TMEM131: variants seen among roughly 807,000 people sequenced by gnomAD.
The protein encoded by TMEM131 is transmembrane protein 131.
Under a neutral mutation model 211.6 loss-of-function variants are expected in TMEM131, and 66 were observed. That is an observed-to-expected ratio of 0.31 (90% CI 0.26 to 0.38). TMEM131 has a LOEUF of 0.38. Ranked by LOEUF, TMEM131 falls within the 10% of genes least tolerant of loss-of-function variation. The pLI is 1.00. For missense variants in TMEM131, 2,036 were observed against 2,299.3 expected, an observed-to-expected ratio of 0.89 and a Z score of 2.34; for synonymous variants, 844 against 841.3, an observed-to-expected ratio of 1.00 and a Z score of -0.06.
At chr2:97,938,722 T>C (rs1451096402) in intron 1 of TMEM131, among the ~76,000 whole-genome samples, 4 of 152,222 alleles carry the variant, frequency 2.6e-5, no homozygotes, top group Non-Finnish European at 5.9e-5. Context: ...CAACAGAATA[T>C]ATGTTCTTCT....
rs1680814537 is a variant in TMEM131 at position 97,797,298 on chromosome 2, C to T, written c.2870+67G>A. 2.1e-6 allele frequency: 3 copies of T among 1,417,808 alleles called. No individual in the cohort carries two copies. The East Asian group carries it at 6.9e-5, about 33-fold the overall frequency. 87.8% of individuals were successfully genotyped at this position (1,417,808 alleles called of 1,614,324 possible). On this transcript the variant is annotated intron_variant, in intron 26 of 40. Coordinates refer to ENST00000186436, the MANE Select transcript of TMEM131 (RefSeq NM_015348.2). Reference sequence around the variant, plus strand: ...TCATAAGTTAGACATGCAAATTCATCTTAAAACAAGTGAGGACTTCTAAGT... The same window carrying T: ...TCATAAGTTAGACATGCAAATTCATTTTAAAACAAGTGAGGACTTCTAAGT...
chr2:97,908,521 G>A lies in TMEM131; in HGVS notation c.290+137C>T, dbSNP rs894681233. Reference sequence around the variant, plus strand: ...CCTGGTTTCCCACACACAACACTTAGAAATAATCATATAATGTGATTTACA... The same window carrying A: ...CCTGGTTTCCCACACACAACACTTAAAAATAATCATATAATGTGATTTACA... On this transcript the variant is annotated intron_variant, in intron 3 of 40. Transcript: ENST00000186436. 9.1e-5 allele frequency: 57 copies of A among 626,484 alleles called. No individual in the cohort carries two copies. The African/African-American group carries it at 9.2e-4, about 10-fold the overall frequency. 38.8% of individuals were successfully genotyped at this position (626,484 alleles called of 1,614,324 possible).
intron 5 of TMEM131, among the ~76,000 whole-genome samples, chr2:97,858,707 G>A (rs1008105370): frequency 1.3e-5 from 2 of 152,172 alleles, no homozygotes; most frequent in African/African-American, 4.8e-5. Flanking sequence ...TGGATGGCCC[G>A]TGAGAAGGAA....
At chr2:97,846,814 G>C (rs1559397965) in intron 5 of TMEM131, among the ~76,000 whole-genome samples, 1 of 152,150 alleles carries the variant, frequency 6.6e-6, no homozygotes, top group East Asian at 1.9e-4. Flanking sequence ...GTGAATGATT[G>C]AATGCTTTTC....
chr2:97,973,107 T>C (rs1679380024), intron 1 of TMEM131, among the ~76,000 whole-genome samples: 1 of 152,214 alleles, frequency 6.6e-6, no homozygotes, highest in Non-Finnish European at 1.5e-5. Flanking sequence ...GGTTATTTGT[T>C]ACAGTAACAG....
chr2:97,833,538 A>C (rs1682804244), intron 10 of TMEM131, 112 bp from the exon 11 acceptor site: 1 of 596,012 alleles, frequency 1.7e-6, no homozygotes. Context: ...AAATACAATG[A>C]CAATAAGATT....
intron 32 of TMEM131, among the ~76,000 whole-genome samples, chr2:97,773,730 G>T (rs1376529964): frequency 2.6e-5 from 4 of 151,742 alleles, no homozygotes; most frequent in African/African-American, 9.7e-5. Context: ...AGCCTCCTGA[G>T]TAGCTAGGAC....
intron 35 of TMEM131, 49 bp from the exon 36 acceptor site, chr2:97,762,249 G>T: frequency 6.4e-7 from 1 of 1,572,498 alleles, no homozygotes; most frequent in Non-Finnish European, 8.7e-7. Context: ...TTTGATTAGC[G>T]CTCTTCCAAA....
intron 4 of TMEM131, among the ~76,000 whole-genome samples, chr2:97,881,399 G>T (rs972085010): frequency 1.3e-5 from 2 of 151,742 alleles, no homozygotes; most frequent in East Asian, 3.9e-4. Context: ...GTAGGGATTG[G>T]GTTTCACTAT....
chr2:97,922,480 C>T (rs1676784124), intron 2 of TMEM131, among the ~76,000 whole-genome samples: 1 of 152,074 alleles, frequency 6.6e-6, no homozygotes. Flanking sequence ...TACACATAAA[C>T]AGCAGAAATA....
chr2:97,837,612 T>C (rs1291545842), intron 7 of TMEM131, among the ~76,000 whole-genome samples: 1 of 152,172 alleles, frequency 6.6e-6, no homozygotes, highest in African/African-American at 2.4e-5. Flanking sequence ...GTAAAAATAT[T>C]TGAGATATAT....
chr2:97,910,085 C>T (rs187644678), intron 2 of TMEM131, among the ~76,000 whole-genome samples: 3 of 152,100 alleles, frequency 2.0e-5, no homozygotes, highest in Admixed American at 2.0e-4. Flanking sequence ...AACATTTCTC[C>T]AAAGAAAATA....
At chr2:97,852,442 G>A (rs1157517003) in intron 5 of TMEM131, among the ~76,000 whole-genome samples, 4 of 152,214 alleles carry the variant, frequency 2.6e-5, no homozygotes, top group East Asian at 3.8e-4. Context: ...ACAGGCGTGA[G>A]CCACCACGCC....
At chr2:97,918,271 C>T (rs77817202) in intron 2 of TMEM131, among the ~76,000 whole-genome samples, 8,448 of 152,158 alleles carry the variant, frequency 0.056, 509 homozygotes, top group Non-Finnish European at 0.071. Flanking sequence ...TGATGACCAA[C>T]CCCCATCTTG....
In TMEM131 at chr2:97,775,822, TTG is replaced by T; in HGVS notation, c.4320+19_4320+20del. 1 of 1,600,076 alleles carries T rather than the reference TTG, an allele frequency of 6.2e-7. No homozygotes were observed. ...ACCTCTCTTTCTCCCTCGTGTTTTGTTGTGTGAGATCAGCCCGTACCTCCTTG... is the reference window on the plus strand; with the variant it reads ...ACCTCTCTTTCTCCCTCGTGTTTTGTTGTGAGATCAGCCCGTACCTCCTTG... On this transcript the variant is annotated intron_variant, in intron 32 of 40. Coordinates refer to ENST00000186436, the MANE Select transcript of TMEM131 (RefSeq NM_015348.2).
At chr2:97,990,040 C>T (rs191613904) in intron 1 of TMEM131, among the ~76,000 whole-genome samples, 17 of 152,336 alleles carry the variant, frequency 1.1e-4, no homozygotes, top group African/African-American at 3.6e-4. Context: ...CCAGGGCCAG[C>T]TTCTGAGAAT....
At chr2:97,989,085 G>T (rs1559493907) in intron 1 of TMEM131, among the ~76,000 whole-genome samples, 1 of 152,142 alleles carries the variant, frequency 6.6e-6, no homozygotes, top group Non-Finnish European at 1.5e-5. Flanking sequence ...TAAAAAGGAA[G>T]GAACTATAAA....
intron 1 of TMEM131, among the ~76,000 whole-genome samples, chr2:97,967,676 T>C (rs1382659665): frequency 6.6e-6 from 1 of 152,184 alleles, no homozygotes; most frequent in Middle Eastern, 3.2e-3. Flanking sequence ...CTAAATAGAT[T>C]AAGCATCCTC....
At chr2:97,924,803 A>G (rs1676912261) in intron 2 of TMEM131, among the ~76,000 whole-genome samples, 1 of 152,178 alleles carries the variant, frequency 6.6e-6, no homozygotes, top group Non-Finnish European at 1.5e-5. Flanking sequence ...GGCTTTGCTC[A>G]CCACTTTAGC....
Sources: gnomAD v4.1 joint callset for allele counts (sites outside exome capture counted in the v4.1 genomes callset) on GRCh38, gnomAD v4.1.1 for gene constraint, MANE v1.5 for transcripts, NCBI Gene and HGNC (gene_info 2026-07-23, HGNC 2026-07-21) for gene names.